The following TRAPPC9 variants were observed in gnomAD, a reference collection of about 807,000 sequenced individuals.
TRAPPC9 encodes trafficking protein particle complex subunit 9.
In TRAPPC9, 83 loss-of-function variants were observed where a neutral mutation model predicts 124.0. The observed-to-expected ratio is 0.67, with a 90% confidence interval of 0.56 to 0.80. The LOEUF (loss-of-function observed/expected upper bound fraction) is 0.80, where lower values mean the gene tolerates loss of function less well. Ranked by LOEUF, TRAPPC9 falls within the 30% of genes least tolerant of loss-of-function variation. TRAPPC9 has a pLI of 0.00. For synonymous variants in TRAPPC9, 638 were observed against 617.5 expected, an observed-to-expected ratio of 1.03 and a Z score of -0.49; for missense variants, 1,302 against 1,508.3, an observed-to-expected ratio of 0.86 and a Z score of 2.27.
chr8:139,838,185 G>A (rs544692016), intron 21 of TRAPPC9, among the ~76,000 whole-genome samples: 10 of 152,236 alleles, frequency 6.6e-5, no homozygotes, highest in Middle Eastern at 3.4e-3. Flanking sequence ...CTTGTGACTG[G>A]ATAGCTCTTC....
intron 21 of TRAPPC9, among the ~76,000 whole-genome samples, chr8:139,837,545 C>T (rs572748209): frequency 6.6e-6 from 1 of 152,192 alleles, no homozygotes; most frequent in African/African-American, 2.4e-5. Context: ...GAGGGCCTTG[C>T]CTGCACTGCC....
intron 21 of TRAPPC9, among the ~76,000 whole-genome samples, chr8:139,837,582 G>A (rs183059208): frequency 2.0e-5 from 3 of 152,256 alleles, no homozygotes; most frequent in African/African-American, 4.8e-5. Context: ...GGGTGGCCTC[G>A]CAGAGACCCA....
chr8:139,769,593 G>A (rs1351689078), intron 21 of TRAPPC9, among the ~76,000 whole-genome samples: 2 of 152,194 alleles, frequency 1.3e-5, no homozygotes, highest in Non-Finnish European at 2.9e-5. Flanking sequence ...CGAGGATAAG[G>A]GAGGACTGCT....
chr8:140,172,972 G>T (rs977684710), intron 17 of TRAPPC9, among the ~76,000 whole-genome samples: 1 of 152,130 alleles, frequency 6.6e-6, no homozygotes, highest in African/African-American at 2.4e-5. Flanking sequence ...CTGGTGGCTG[G>T]TTAAAAAGCT....
At chr8:140,254,032 G>A (rs2064190048) in intron 15 of TRAPPC9, among the ~76,000 whole-genome samples, 1 of 152,192 alleles carries the variant, frequency 6.6e-6, no homozygotes, top group Non-Finnish European at 1.5e-5. Context: ...GGGACAGGAA[G>A]GGGACATGGG....
intron 16 of TRAPPC9, among the ~76,000 whole-genome samples, chr8:140,224,672 G>C (rs1423642494): frequency 6.6e-6 from 1 of 152,090 alleles, no homozygotes; most frequent in Non-Finnish European, 1.5e-5. Context: ...GTCACTCCTT[G>C]TTCTACCCCC....
intron 18 of TRAPPC9, 91 bp from the exon 19 acceptor site, chr8:139,988,927 C>A: frequency 1.1e-6 from 1 of 877,588 alleles, no homozygotes; most frequent in Non-Finnish European, 1.8e-6. Flanking sequence ...CTTCCCACCA[C>A]TTAAGAAGGG....
intron 21 of TRAPPC9, among the ~76,000 whole-genome samples, chr8:139,766,233 G>A (rs970119283): frequency 7.2e-5 from 11 of 152,204 alleles, no homozygotes; most frequent in African/African-American, 1.2e-4. Flanking sequence ...GTCCTTGGGC[G>A]TGTCTGCCAC....
At chr8:140,133,427 G>T (rs1436328169) in intron 17 of TRAPPC9, among the ~76,000 whole-genome samples, 2 of 152,040 alleles carry the variant, frequency 1.3e-5, no homozygotes, top group African/African-American at 4.8e-5. Context: ...CATGATAAAG[G>T]GTATCTATGA....
rs2060477030 is a variant in TRAPPC9, at chr8:140,097,659, G to A, written c.2557-73580C>T. ...GGATAAGAATGCCCAGCTGGATCTTGGGGTGCACAGCCCCAGCTGTGCCGC... is the reference window on the plus strand; with the variant it reads ...GGATAAGAATGCCCAGCTGGATCTTAGGGTGCACAGCCCCAGCTGTGCCGC... On this transcript the variant is annotated intron_variant, in intron 17 of 22. Coordinates refer to ENST00000438773, the MANE Select transcript of TRAPPC9 (RefSeq NM_001160372.4). The surrounding 1 kb of genome is among the most constrained non-coding windows in gnomAD (Gnocchi z 4.2). 1.3e-5 allele frequency: 2 copies of A among 152,324 alleles called. No homozygotes were observed. The highest frequency in any genetic ancestry group is 4.8e-5 in the African/African-American group (2 of 41,574). The allele number at this position is 152,324 out of a possible 1,614,324, so 9.4% of individuals were successfully genotyped here. A position where few individuals can be genotyped will look rare whatever the true frequency, so the allele number is the denominator to read the frequency against.
chr8:140,341,711 A>T (rs923411215), intron 9 of TRAPPC9, among the ~76,000 whole-genome samples: 6 of 152,048 alleles, frequency 3.9e-5, no homozygotes, highest in African/African-American at 1.4e-4. Flanking sequence ...GAAGAAAAAA[A>T]TTTTCTTCTA....
At chr8:139,740,008 C>A (rs565369534) in intron 21 of TRAPPC9, among the ~76,000 whole-genome samples, 2 of 152,304 alleles carry the variant, frequency 1.3e-5, no homozygotes, top group South Asian at 4.1e-4. Flanking sequence ...CATTTAAACC[C>A]CTAGTGCACC....
chr8:139,819,804 G>A (rs1236958005), intron 21 of TRAPPC9, among the ~76,000 whole-genome samples: 2 of 151,906 alleles, frequency 1.3e-5, no homozygotes, highest in African/African-American at 4.8e-5. Flanking sequence ...ATGAGGTCAG[G>A]AGATCAAGAC....
At position 140,221,385 on chromosome 8, in the gene TRAPPC9, G is replaced by A. The variant is rs1237101991; in HGVS notation, c.2556+74C>T. ...GCCTTTCCTTTCTGAAAAGGACTCA[G>A]AGCTGTGCTTCAGAAACGGCTTTGC... On this transcript the variant is annotated intron_variant, in intron 17 of 22. Coordinates refer to ENST00000438773, the MANE Select transcript of TRAPPC9 (RefSeq NM_001160372.4). 3 of 1,600,688 alleles carry A rather than the reference G, an allele frequency of 1.9e-6. No individual in the cohort carries two copies. In the East Asian group the frequency reaches 6.7e-5, roughly 36 times the overall value.
Position 140,052,199 on chromosome 8 carries a change from C to G in TRAPPC9, c.2557-28120G>C, listed in dbSNP as rs181507080. On this transcript the variant is annotated intron_variant, in intron 17 of 22. Coordinates refer to ENST00000438773, the MANE Select transcript of TRAPPC9 (RefSeq NM_001160372.4). ...GAACATCCAGAGGTATCTCATCACA[C>G]GGTATTCTCCAAAACAACAACAACA... Among the ~76,000 whole-genome samples, 487 of 147,078 alleles carry G rather than the reference C, an allele frequency of 3.3e-3. 1 individual carries two copies. The highest frequency in any genetic ancestry group is 0.013 in the African/African-American group (466 of 37,058).
chr8:140,117,977 T>C (rs992721729), intron 17 of TRAPPC9, among the ~76,000 whole-genome samples: 2 of 152,244 alleles, frequency 1.3e-5, no homozygotes, highest in Admixed American at 1.3e-4. Context: ...GACTGAACTA[T>C]ACCATTTACC....
chr8:140,296,186 G>A (rs769652980), intron 11 of TRAPPC9, among the ~76,000 whole-genome samples: 2 of 152,220 alleles, frequency 1.3e-5, no homozygotes, highest in Non-Finnish European at 2.9e-5. Context: ...ATAGTTTTGA[G>A]AATCACTGGA....
chr8:140,272,315 G>C (rs2064956477), intron 15 of TRAPPC9, among the ~76,000 whole-genome samples: 1 of 151,298 alleles, frequency 6.6e-6, no homozygotes, highest in African/African-American at 2.4e-5. Flanking sequence ...GGTTGTGGTG[G>C]TTATAGTGGT....
In TRAPPC9 at chr8:139,989,346, T is replaced by C. The variant is rs538358033; in HGVS notation, c.2700-510A>G. Among the ~76,000 whole-genome samples the C allele has an allele frequency of 8.5e-5, 13 of 152,296 alleles. No individual in the cohort carries two copies. In the South Asian group the frequency reaches 1.7e-3, roughly 19 times the overall value. ...GCACATCCAGCACGAGCTTCTCCCATGCGGGCACCTCTCGAACTGGGGCAG... is the reference window on the plus strand; with the variant it reads ...GCACATCCAGCACGAGCTTCTCCCACGCGGGCACCTCTCGAACTGGGGCAG... On this transcript the variant is annotated intron_variant, in intron 18 of 22. Transcript: ENST00000438773.
Sources: allele counts gnomAD v4.1 joint callset (sites outside exome capture counted in the v4.1 genomes callset), GRCh38; gene constraint gnomAD v4.1.1; non-coding constraint Gnocchi (gnomAD v3.1); transcripts MANE v1.5; gene names NCBI Gene and HGNC (gene_info 2026-07-23, HGNC 2026-07-21).